The following RUNX1T1 variants were observed in gnomAD, a reference collection of about 807,000 sequenced individuals.
The protein encoded by RUNX1T1 is RUNX1 partner transcriptional co-repressor 1.
A neutral mutation model predicts 62.8 loss-of-function variants in RUNX1T1; 4 were observed. The observed-to-expected ratio is 0.06, with a 90% CI of 0.03 to 0.15. The LOEUF (loss-of-function observed/expected upper bound fraction) is 0.15. RUNX1T1 is among the 10% of genes least tolerant of loss of function. The pLI, the probability that RUNX1T1 is intolerant of heterozygous loss-of-function variation, is 1.00. For synonymous variants in RUNX1T1, 291 were observed against 286.0 expected, an observed-to-expected ratio of 1.02 and a Z score of -0.18; for missense variants, 508 against 754.3, an observed-to-expected ratio of 0.67 and a Z score of 3.82.
upstream of RUNX1T1, among the ~76,000 whole-genome samples, chr8:92,102,382 A>G (rs904942307): frequency 6.6e-6 from 1 of 151,840 alleles, no homozygotes; most frequent in Non-Finnish European, 1.5e-5. This position sits in a 1 kb window ranked among gnomAD's most constrained non-coding sequence, Gnocchi z 4.5. Flanking sequence ...GTTTTCCACC[A>G]TCAAAACAAG....
chr8:92,011,113 A>G, intron 3 of RUNX1T1, 22 bp from the exon 5 acceptor site: 3 of 1,282,568 alleles, frequency 2.3e-6, no homozygotes, highest in Non-Finnish European at 3.4e-6. Context: ...AATATGTAGT[A>G]TAAATACATT....
At chr8:92,074,812 T>C (rs1834182329) in intron 2 of RUNX1T1, among the ~76,000 whole-genome samples, 1 of 152,124 alleles carries the variant, frequency 6.6e-6, no homozygotes, top group Non-Finnish European at 1.5e-5. Context: ...ATGTCTCTCA[T>C]TAATTGTATT....
intron 3 of RUNX1T1, among the ~76,000 whole-genome samples, chr8:92,012,061 T>A (rs1822050515): frequency 6.6e-6 from 1 of 152,188 alleles, no homozygotes; most frequent in Non-Finnish European, 1.5e-5. Flanking sequence ...TCCACCCACT[T>A]TTTTGTGCAT....
At chr8:92,065,156 G>C (rs1832688096), upstream of RUNX1T1, among the ~76,000 whole-genome samples, 3 of 152,104 alleles carry the variant, frequency 2.0e-5, no homozygotes, top group South Asian at 6.2e-4. Context: ...TACTCAGACA[G>C]AATAACTTTT....
At chr8:91,988,822 G>A (rs1029694043) in intron 6 of RUNX1T1, among the ~76,000 whole-genome samples, 2 of 152,088 alleles carry the variant, frequency 1.3e-5, no homozygotes, top group Non-Finnish European at 2.9e-5. Context: ...ACATGTTTGA[G>A]CTCAAGTACT....
intron 4 of RUNX1T1, among the ~76,000 whole-genome samples, chr8:92,008,580 C>T (rs1821327398): frequency 6.6e-6 from 1 of 151,980 alleles, no homozygotes; most frequent in Non-Finnish European, 1.5e-5. Flanking sequence ...ATAGTTATGC[C>T]AGCTCAGAGA....
chr8:92,102,931 C>G, upstream of RUNX1T1: 1 of 1,506,928 alleles, frequency 6.6e-7, no homozygotes, highest in South Asian at 1.2e-5. The surrounding 1 kb of genome is among the most constrained non-coding windows in gnomAD (Gnocchi z 4.5). Flanking sequence ...TCGTCTCGGC[C>G]GGCCCGCGGG....
intron 2 of RUNX1T1, chr8:92,071,253 C>T (rs1345425167): frequency 6.6e-6 from 1 of 152,118 alleles, no homozygotes; most frequent in Non-Finnish European, 1.5e-5. Flanking sequence ...ATTCTATTTT[C>T]ATGGGCAGAT....
At chr8:91,968,062 G>A (rs1185091101) in intron 10 of RUNX1T1, among the ~76,000 whole-genome samples, 2 of 152,112 alleles carry the variant, frequency 1.3e-5, no homozygotes, top group African/African-American at 4.8e-5. Flanking sequence ...AAGAAATGGA[G>A]GCTGACAGGA....
At chr8:92,103,381 G>C (rs1207158363), upstream of RUNX1T1, 1 of 170,618 alleles carries the variant, frequency 5.9e-6, no homozygotes, top group Non-Finnish European at 1.3e-5. Context: ...GAGAGCGCCC[G>C]CATCAGGCCG....
At chr8:91,974,032 G>C (rs1020322522) in intron 9 of RUNX1T1, among the ~76,000 whole-genome samples, 2 of 152,016 alleles carry the variant, frequency 1.3e-5, no homozygotes, top group African/African-American at 4.8e-5. Flanking sequence ...ACCCTTCTTG[G>C]AGAGGGCAAG....
rs186480433 is a variant in RUNX1T1 at position 91,973,588 on chromosome 8, G to C, written c.1267+2317C>G. 4.2e-4 allele frequency among the ~76,000 whole-genome samples: 64 copies of C among 152,006 alleles called. No homozygotes were observed. The East Asian group carries it at 0.012, about 28-fold the overall frequency. On this transcript the variant is annotated intron_variant, in intron 9 of 10. Coordinates refer to ENST00000396218, the Ensembl canonical transcript of RUNX1T1. The stretch of plus-strand genomic sequence containing the variant: ...AAAGATAATGTATAATAATTTCATT[G>C]CAAAGACACACTTTATAGATTTTCT...
intron 1 of RUNX1T1, among the ~76,000 whole-genome samples, chr8:92,023,285 A>G (rs1025004149): frequency 6.6e-6 from 1 of 152,178 alleles, no homozygotes; most frequent in African/African-American, 2.4e-5. Context: ...TATTCTTTCT[A>G]AAGATCTTTT....
At chr8:91,976,317 T>C (rs1490205944) in intron 8 of RUNX1T1, among the ~76,000 whole-genome samples, 1 of 152,214 alleles carries the variant, frequency 6.6e-6, no homozygotes. Flanking sequence ...ATAAATTGTA[T>C]TTGGTAGTTT....
At chr8:91,954,980 A>G (rs963269653), downstream of RUNX1T1, 1 of 192,582 alleles carries the variant, frequency 5.2e-6, no homozygotes, top group African/African-American at 2.3e-5. Context: ...GATTAGGCAA[A>G]CACAACTTTA....
chr8:91,967,238 C>T (rs1811824488), intron 10 of RUNX1T1, among the ~76,000 whole-genome samples: 1 of 152,162 alleles, frequency 6.6e-6, no homozygotes, highest in Admixed American at 6.5e-5. Flanking sequence ...AAACTTCATG[C>T]AACCTCCGAT....
At chr8:92,017,283 G>C in exon 2 of RUNX1T1, 1 of 1,613,992 alleles carries the variant, frequency 6.2e-7, no homozygotes, top group Non-Finnish European at 8.5e-7. Flanking sequence ...GGGGGAGGTG[G>C]CATTGTTGGA....
At chr8:92,014,318 A>G (rs890268600) in intron 3 of RUNX1T1, among the ~76,000 whole-genome samples, 2 of 152,014 alleles carry the variant, frequency 1.3e-5, no homozygotes. Context: ...TATATATAAC[A>G]TGTTTATGGC....
chr8:91,994,368 T>C (rs1818279090), intron 5 of RUNX1T1: 1 of 205,366 alleles, frequency 4.9e-6, no homozygotes, highest in Non-Finnish European at 1.0e-5. Flanking sequence ...TGTATTTGCA[T>C]ATCCCACAAA....
Sources: gnomAD v4.1 joint callset for allele counts (sites outside exome capture counted in the v4.1 genomes callset) on GRCh38, gnomAD v4.1.1 for gene constraint, Gnocchi (gnomAD v3.1) non-coding constraint, MANE v1.5 for transcripts, NCBI Gene and HGNC (gene_info 2026-07-23, HGNC 2026-07-21) for gene names.